HBS1L: variants seen among roughly 807,000 people sequenced by gnomAD.
HBS1L encodes HBS1-like protein.
A neutral mutation model predicts 88.9 loss-of-function variants in HBS1L; 55 were observed. The observed-to-expected ratio is 0.62, with a 90% CI of 0.50 to 0.77. The LOEUF (loss-of-function observed/expected upper bound fraction) is 0.77. Among genes scored for constraint, HBS1L ranks in the 30% least tolerant of loss-of-function variants. The pLI is 0.00. For synonymous variants in HBS1L, 267 were observed against 288.5 expected (o/e 0.93, Z 0.76); for missense variants, 741 against 829.3 (o/e 0.89, Z 1.31).
intron 4 of HBS1L, among the ~76,000 whole-genome samples, chr6:135,024,944 C>G (rs1380015220): frequency 6.6e-6 from 1 of 152,078 alleles, no homozygotes; most frequent in Non-Finnish European, 1.5e-5. Flanking sequence ...TGACATGATA[C>G]TGGAACCATT....
At chr6:135,039,480 A>C (rs1776659857) in intron 4 of HBS1L, 93 bp downstream of exon 4, 1 of 1,030,674 alleles carries the variant, frequency 9.7e-7, no homozygotes. Context: ...GCTCAAGCAA[A>C]TTAAATATTT....
At position 134,966,485 on chromosome 6, in the gene HBS1L, A is replaced by G. The variant is rs200267044; in HGVS notation, c.1899-12T>C. 3.5e-5 allele frequency: 54 copies of G among 1,555,686 alleles called. No homozygotes were observed. Among genetic ancestry groups the G allele is most frequent in the Non-Finnish European group, 4.2e-5 (48 of 1,149,832 alleles). On this transcript the variant is annotated splice_polypyrimidine_tract_variant and intron_variant, in intron 16 of 17. Transcript: ENST00000367837. ...CTTTAGTCAAAAACCTATTAAGAAA[A>G]AAAAAGAACAAATGAATATATGATA...
chr6:134,997,219 C>T (rs1302197452), intron 6 of HBS1L, among the ~76,000 whole-genome samples, 178 bp downstream of exon 6: 1 of 152,086 alleles, frequency 6.6e-6, no homozygotes, highest in African/African-American at 2.4e-5. Context: ...AGTGTAATGA[C>T]CTCTTTGGTA....
rs1360081744 is a variant in HBS1L, at chr6:134,966,381, C to T, written c.1991G>A (p.Arg664Lys). The T allele has an allele frequency of 1.2e-6, 2 of 1,613,168 alleles. No homozygotes were observed. The highest frequency in any genetic ancestry group is 1.7e-5 in the Admixed American group (1 of 59,980). The change falls in exon 17 of 18, where the codon AGG becomes AAG. Residue 664 changes from arginine to lysine, a missense_variant. Coordinates refer to ENST00000367837, the MANE Select transcript of HBS1L (RefSeq NM_006620.4). ...ELYKDFKELG[R>K]FMLRYGGSTI... The stretch of plus-strand genomic sequence containing the variant: ...AGAACCACCGTAACGTAGCATGAAC[C>T]TCCCCAGCTCTTTAAAGTCTTTATA...
At chr6:134,972,807 A>G (rs1022251898) in intron 15 of HBS1L, among the ~76,000 whole-genome samples, 3 of 152,254 alleles carry the variant, frequency 2.0e-5, no homozygotes, top group Non-Finnish European at 2.9e-5. Context: ...CAATAAGCAC[A>G]TGAAAAGATG....
At chr6:134,973,522 T>C (rs1470467740) in intron 15 of HBS1L, among the ~76,000 whole-genome samples, 2 of 152,194 alleles carry the variant, frequency 1.3e-5, no homozygotes, top group Admixed American at 6.5e-5. Flanking sequence ...AGATGAATAG[T>C]AGTGATGACT....
rs1245876250 is a variant in HBS1L, at chr6:134,985,371, A to T, written c.1462T>A (p.Phe488Ile). ...KPPQRSIDKPFRLCVSDVFKD... is the reference protein window; with the variant it reads ...KPPQRSIDKPIRLCVSDVFKD... ...AAAACATCGGACACACATAATCTAA[A>T]AGGTTTGTCAATAGATCGCTGGGGA... Residue 488 changes from phenylalanine to isoleucine, a missense_variant, in exon 12 of 18, where the codon TTT becomes ATT. Transcript: ENST00000367837. The T allele has an allele frequency of 6.2e-7, 1 of 1,607,426 alleles. No individual in the cohort carries two copies. The highest frequency in any genetic ancestry group is 8.5e-7 in the Non-Finnish European group (1 of 1,177,112).
intron 4 of HBS1L, among the ~76,000 whole-genome samples, chr6:135,014,916 T>C (rs1775878760): frequency 6.7e-6 from 1 of 149,600 alleles, no homozygotes; most frequent in South Asian, 2.1e-4. Flanking sequence ...ACGCCTGTAG[T>C]CCTAGGTACT....
chr6:135,002,606 G>A (rs1417956080), intron 5 of HBS1L, 128 bp downstream of exon 5: 2 of 600,752 alleles, frequency 3.3e-6, no homozygotes, highest in Non-Finnish European at 6.0e-6. Context: ...TTATACTGAG[G>A]ATATATGATA....
At position 134,996,808 on chromosome 6, in the gene HBS1L, C is replaced by T. The variant is rs1284996072; in HGVS notation, c.934G>A (p.Val312Ile). The stretch of plus-strand genomic sequence containing the variant: ...CTTTCTTCGCCAGTTTCATCCAAGA[C>T]CCATGCATATGCAAACGAAGCTTTG... ...AGKASFAYAW[V>I]LDETGEERER... The change falls in exon 7 of 18, where the codon GTC (valine) becomes ATC (isoleucine). Residue 312 changes from valine (V) to isoleucine (I), a missense_variant. Around this residue, in one of 3 missense-constraint regions of HBS1L, gnomAD observed 556 missense variants for 598.4 expected, o/e 0.93. Coordinates refer to ENST00000367837, the MANE Select transcript of HBS1L (RefSeq NM_006620.4). The T allele has an allele frequency of 2.5e-6, 4 of 1,609,430 alleles. No homozygotes were observed. Among genetic ancestry groups the T allele is most frequent in the Non-Finnish European group, 3.4e-6 (4 of 1,178,368 alleles).
intron 12 of HBS1L, chr6:134,983,648 G>A (rs958490705): frequency 6.6e-6 from 1 of 152,174 alleles, no homozygotes; most frequent in African/African-American, 2.4e-5. Context: ...TCTCCCAGGA[G>A]AGATGTCCAG....
chr6:135,010,194 G>A (rs967834496), intron 4 of HBS1L, among the ~76,000 whole-genome samples: 3 of 151,900 alleles, frequency 2.0e-5, no homozygotes, highest in Non-Finnish European at 4.4e-5. Flanking sequence ...GTCTACTATC[G>A]CTAGAAATCC....
At chr6:134,987,347 T>C (rs1477557542) in intron 9 of HBS1L, among the ~76,000 whole-genome samples, 1 of 152,062 alleles carries the variant, frequency 6.6e-6, no homozygotes, top group African/African-American at 2.4e-5. Flanking sequence ...GGAAGGAGAA[T>C]TGGTAATATA....
At chr6:135,014,908 G>A (rs1775878309) in intron 4 of HBS1L, among the ~76,000 whole-genome samples, 2 of 149,080 alleles carry the variant, frequency 1.3e-5, no homozygotes, top group Admixed American at 6.7e-5. Context: ...AGTGGTACAC[G>A]CCTGTAGTCC....
chr6:135,012,538 T>G (rs1186855082), intron 4 of HBS1L, among the ~76,000 whole-genome samples: 2 of 152,216 alleles, frequency 1.3e-5, no homozygotes, highest in African/African-American at 4.8e-5. Flanking sequence ...GTTCTACTTC[T>G]GTCCACTAGG....
chr6:134,971,836 T>A (rs1266674932), intron 15 of HBS1L, among the ~76,000 whole-genome samples: 1 of 152,146 alleles, frequency 6.6e-6, no homozygotes, highest in Admixed American at 6.5e-5. Flanking sequence ...CAATTCCTTA[T>A]CTGTAAATAG....
At chr6:134,985,282 T>G in intron 12 of HBS1L, 59 bp downstream of exon 12, 2 of 1,084,162 alleles carry the variant, frequency 1.8e-6, no homozygotes, top group Non-Finnish European at 2.7e-6. Flanking sequence ...GGAAAGGAGG[T>G]TAGGAGGGAA....
Position 134,985,368 on chromosome 6 carries a change from T to C in HBS1L, c.1465A>G (p.Arg489Gly). ...TTGAAAACATCGGACACACATAATC[T>C]AAAAGGTTTGTCAATAGATCGCTGG... ...PPQRSIDKPF[R>G]LCVSDVFKDQ... Residue 489 changes from arginine to glycine, a missense_variant, in exon 12 of 18, where the codon AGA becomes GGA. This residue lies in a region of HBS1L where 556 missense variants were observed against 598.4 expected (regional missense o/e 0.93). Coordinates refer to ENST00000367837, the MANE Select transcript of HBS1L (RefSeq NM_006620.4). The C allele has an allele frequency of 6.2e-7, 1 of 1,607,306 alleles. No homozygotes were observed. The highest frequency in any genetic ancestry group is 8.5e-7 in the Non-Finnish European group (1 of 1,177,100).
intron 4 of HBS1L, chr6:135,036,708 G>A: frequency 6.4e-7 from 1 of 1,550,912 alleles, no homozygotes. Context: ...AAGTCTTATA[G>A]AGGTCAAGGG....
Sources: allele counts gnomAD v4.1 joint callset (sites outside exome capture counted in the v4.1 genomes callset), GRCh38; gene constraint gnomAD v4.1.1; regional missense constraint gnomAD v4.1.1; transcripts MANE v1.5; gene names NCBI Gene and HGNC (gene_info 2026-07-23, HGNC 2026-07-21).